Variants in CDC25B observed in about 807,000 individuals in gnomAD.
CDC25B encodes cell division cycle 25B.
A neutral mutation model predicts 69.8 loss-of-function variants in CDC25B; 33 were observed. The ratio of observed to expected loss-of-function variants is 0.47; its 90% CI spans 0.36 to 0.63. The LOEUF is 0.63. CDC25B is among the 30% of genes least tolerant of loss of function. The pLI is 0.00. For missense variants in CDC25B, 727 were observed against 809.1 expected (o/e 0.90, Z 1.23); for synonymous variants, 341 against 314.6 (o/e 1.08, Z -0.89).
At chr20:3,798,339 AT>A in intron 2 of CDC25B, 72 bp from the exon 3 acceptor site, 2 of 452,606 alleles carry the variant, frequency 4.4e-6, no homozygotes, top group Non-Finnish European at 3.5e-6. Context: ...TTTTTTTTTC[AT>A]ATTGGGACAT....
In CDC25B at chr20:3,805,605, G is replaced by C; in HGVS notation, c.*644G>C. ...TCAGGACACTTCCGTAGACTGTTTA[G>C]GTTCCCCTGTCAAATATCAGTTACC... is the stretch of plus-strand genomic sequence containing the variant. On this transcript the variant is annotated 3_prime_UTR_variant, in exon 16 of 16. Transcript: ENST00000245960. 2.5e-6 allele frequency: 1 copy of C among 397,558 alleles called. No homozygotes were observed. The highest frequency in any genetic ancestry group is 4.4e-6 in the Non-Finnish European group (1 of 225,718). 24.6% of individuals were successfully genotyped at this position (397,558 alleles called of 1,614,324 possible).
At position 3,803,567 on chromosome 20, in the gene CDC25B, T is replaced by G. The variant is rs1163215271; in HGVS notation, c.1490+30T>G. 6.2e-7 allele frequency: 1 copy of G among 1,613,216 alleles called. No individual in the cohort carries two copies. Among genetic ancestry groups the G allele is most frequent in the Non-Finnish European group, 8.5e-7 (1 of 1,179,926 alleles). ...GTCCCAGCTCCGCCCAGCCAGCTAG[T>G]GTCTGCCCTGGCCTTCCCTGCCCAG... On this transcript the variant is annotated intron_variant, in intron 14 of 15. Transcript: ENST00000245960. The surrounding 1 kb of genome is among the most constrained non-coding windows in gnomAD (Gnocchi z 4.9).
At chr20:3,800,257 A>G in intron 3 of CDC25B, 31 bp from the exon 4 acceptor site, 1 of 1,567,040 alleles carries the variant, frequency 6.4e-7, no homozygotes, top group South Asian at 1.1e-5. Context: ...CGGAGGGAGC[A>G]TGGGTTGCAT....
rs773586116 is a variant in CDC25B, at chr20:3,801,817, T to C, written c.921+15T>C. On this transcript the variant is annotated intron_variant, in intron 9 of 15. Coordinates refer to ENST00000245960, the MANE Select transcript of CDC25B (RefSeq NM_021873.4). ...AAGAGGAAAAGGTGGGCCTCTGGGG[T>C]GGCCCCCTCCGAATTTGGAGGCATG... 7.5e-6 allele frequency: 12 copies of C among 1,591,364 alleles called. No individual in the cohort carries two copies. Among genetic ancestry groups the C allele is most frequent in the Non-Finnish European group, 9.4e-6 (11 of 1,168,224 alleles).
chr20:3,794,662 T>C (rs1274680560), upstream of CDC25B, among the ~76,000 whole-genome samples: 1 of 151,984 alleles, frequency 6.6e-6, no homozygotes, highest in African/African-American at 2.4e-5. Flanking sequence ...GAACCGGAAA[T>C]TCAGTCTTGC....
rs537283235 is a variant in CDC25B at position 3,791,198 on chromosome 20, G to A, written c.8+4059G>A. Among the ~76,000 whole-genome samples, 201 of 152,288 alleles carry A rather than the reference G, an allele frequency of 1.3e-3. 1 individual carries two copies. Among genetic ancestry groups the A allele is most frequent in the African/African-American group, 4.5e-3 (189 of 41,570 alleles). On this transcript the variant is annotated intron_variant, in intron 1 of 15. Coordinates refer to the CDC25B transcript ENST00000344256. ...TAACTCAACGAACATACATCTGTGT[G>A]TACTTTTATCATCTCCTTAAGAGAA...
At chr20:3,790,559 C>T (rs1164725845) in intron 1 of CDC25B, among the ~76,000 whole-genome samples, 27 of 150,400 alleles carry the variant, frequency 1.8e-4, no homozygotes, top group Admixed American at 1.7e-3. Flanking sequence ...CGGTGGCTCA[C>T]GCCTGTAATC....
Position 3,796,693 on chromosome 20 carries a change from C to T in CDC25B, c.162C>T (p.Thr54=). 6.4e-7 allele frequency: 1 copy of T among 1,552,444 alleles called. No individual in the cohort carries two copies. The highest frequency in any genetic ancestry group is 8.6e-7 in the Non-Finnish European group (1 of 1,159,106). ...CGGCCGCTTCCTCGCCGGTCACCAC[C>T]CTCACCCAGACCATGCACGACCTCG... ...VRAAASSPVT[T]LTQTMHDLAG... is the part of the protein sequence containing the mutation. The change falls in exon 1 of 16, where the codon ACC becomes ACT. Residue 54 remains threonine, a synonymous_variant. Transcript: ENST00000245960.
Position 3,796,423 on chromosome 20 carries a change from C to CA in CDC25B, c.-109_-108insA. 5.8e-6 allele frequency: 1 copy of CA among 173,282 alleles called. No homozygotes were observed. Among genetic ancestry groups the CA allele is most frequent in the Non-Finnish European group, 1.1e-5 (1 of 94,562 alleles). 10.7% of individuals were successfully genotyped at this position (173,282 alleles called of 1,614,324 possible). Reference sequence around the variant, plus strand: ...GCTCTTCCTCCCTCCCTCCTTCCCCCCCCCCCCACCCCTCGCCCGCTGCCT... The same window carrying CA: ...GCTCTTCCTCCCTCCCTCCTTCCCCCACCCCCCCACCCCTCGCCCGCTGCCT... On this transcript the variant is annotated 5_prime_UTR_variant, in exon 1 of 16. Coordinates refer to ENST00000245960, the MANE Select transcript of CDC25B (RefSeq NM_021873.4).
At chr20:3,800,948 C>A in intron 6 of CDC25B, 23 bp from the exon 7 acceptor site, 1 of 1,613,552 alleles carries the variant, frequency 6.2e-7, no homozygotes, top group South Asian at 1.1e-5. Flanking sequence ...TGTGAGGACC[C>A]TCCTCTCCCA....
rs531171181 is a variant in CDC25B at position 3,796,427 on chromosome 20, C to A, written c.-105C>A. On this transcript the variant is annotated 5_prime_UTR_variant, in exon 1 of 16. Transcript: ENST00000245960. ...TTCCTCCCTCCCTCCTTCCCCCCCC[C>A]CCCACCCCTCGCCCGCTGCCTCCCT... 39 of 253,902 alleles carry A rather than the reference C, an allele frequency of 1.5e-4. 1 individual carries two copies. The highest frequency in any genetic ancestry group is 2.7e-4 in the East Asian group (1 of 3,728). 15.7% of individuals were successfully genotyped at this position (253,902 alleles called of 1,614,324 possible).
chr20:3,800,315 C>T lies in CDC25B; in HGVS notation c.408C>T (p.Ser136=). The T allele has an allele frequency of 6.2e-7, 1 of 1,614,084 alleles. No individual in the cohort carries two copies. The highest frequency in any genetic ancestry group is 1.7e-5 in the Admixed American group (1 of 60,006). ...QTFEQAIQAA[S]RIIRNEQFAI... ...TTGAACAGGCCATCCAGGCAGCCAG[C>T]CGGATCATTCGAAAGTAAGTGTTCC... Residue 136 remains serine (S), a synonymous_variant, in exon 4 of 16, where the codon AGC becomes AGT. Coordinates refer to ENST00000245960, the MANE Select transcript of CDC25B (RefSeq NM_021873.4).
chr20:3,803,415 C>T lies in CDC25B; in HGVS notation c.1368C>T (p.Asn456=), dbSNP rs2089359292. 22 of 1,613,996 alleles carry T rather than the reference C, an allele frequency of 1.4e-5. No individual in the cohort carries two copies. Among genetic ancestry groups the T allele is most frequent in the Non-Finnish European group, 1.9e-5 (22 of 1,180,012 alleles). The change falls in exon 14 of 16, where the codon AAC becomes AAT. Residue 456 remains asparagine (N), a synonymous_variant. Transcript: ENST00000245960. The surrounding 1 kb of genome is among the most constrained non-coding windows in gnomAD (Gnocchi z 4.9). ...YEGGHIKTAV[N]LPLERDAESF... ...GGCTCCTCTGACAGACTGCGGTGAA[C>T]TTGCCCCTGGAACGCGACGCCGAGA...
chr20:3,791,946 C>G (rs144736119), upstream of CDC25B, among the ~76,000 whole-genome samples: 2 of 152,306 alleles, frequency 1.3e-5, no homozygotes, highest in East Asian at 3.9e-4. Context: ...CAGAATCTCA[C>G]TTTGTCACCC....
chr20:3,792,177 G>A (rs1207897983), upstream of CDC25B, among the ~76,000 whole-genome samples: 2 of 152,180 alleles, frequency 1.3e-5, no homozygotes, highest in African/African-American at 4.8e-5. Context: ...GCCTCCCAAA[G>A]TACTGGGATT....
upstream of CDC25B, among the ~76,000 whole-genome samples, chr20:3,791,751 T>C (rs1268038093): frequency 6.6e-6 from 1 of 152,172 alleles, no homozygotes; most frequent in African/African-American, 2.4e-5. Flanking sequence ...ATCTTGTAGA[T>C]AGCACACAGA....
At chr20:3,794,358 A>G (rs1349442941), upstream of CDC25B, among the ~76,000 whole-genome samples, 4 of 147,542 alleles carry the variant, frequency 2.7e-5, no homozygotes, top group Admixed American at 6.9e-5. Flanking sequence ...AGTGATGATG[A>G]GCATTTTTTC....
At position 3,803,689 on chromosome 20, in the gene CDC25B, C is replaced by T. The variant is rs2089372414; in HGVS notation, c.1490+152C>T. On this transcript the variant is annotated intron_variant, in intron 14 of 15. Transcript: ENST00000245960. This position sits in a 1 kb window ranked among gnomAD's most constrained non-coding sequence, Gnocchi z 4.9. Reference sequence around the variant, plus strand: ...CCTAGAGCTGACCTCAGCCCCACTTCACTGTGCATGGTACCCGCCTCCCAT... The same window carrying T: ...CCTAGAGCTGACCTCAGCCCCACTTTACTGTGCATGGTACCCGCCTCCCAT... 1.1e-6 allele frequency: 1 copy of T among 920,426 alleles called. No individual in the cohort carries two copies. The highest frequency in any genetic ancestry group is 1.6e-6 in the Non-Finnish European group (1 of 608,048). 57.0% of individuals were successfully genotyped at this position (920,426 alleles called of 1,614,324 possible). A position where few individuals can be genotyped will look rare whatever the true frequency, so the allele number is the denominator to read the frequency against.
Position 3,803,521 on chromosome 20 carries a change from G to A in CDC25B, c.1474G>A (p.Glu492Lys). Residue 492 changes from glutamate (E) to lysine (K), a missense_variant, in exon 14 of 16, where the codon GAG (glutamate) becomes AAG (lysine). By Grantham distance (56) the Glu-to-Lys change is moderately conservative. Transcript: ENST00000245960. The surrounding 1 kb of genome is among the most constrained non-coding windows in gnomAD (Gnocchi z 4.9). ...CATTTTCCACTGTGAATTCTCATCT[G>A]AGCGTGGGCCCCGCATGTGAGTCCC... Reference protein sequence around the residue: ...ILIFHCEFSSERGPRMCRFIR... With the variant: ...ILIFHCEFSSKRGPRMCRFIR... 2 of 1,614,032 alleles carry A rather than the reference G, an allele frequency of 1.2e-6. No individual in the cohort carries two copies. Among genetic ancestry groups the A allele is most frequent in the Non-Finnish European group, 1.7e-6 (2 of 1,180,006 alleles).
Sources: allele counts gnomAD v4.1 joint callset (sites outside exome capture counted in the v4.1 genomes callset), GRCh38; gene constraint gnomAD v4.1.1; non-coding constraint Gnocchi (gnomAD v3.1); transcripts MANE v1.5; gene names NCBI Gene and HGNC (gene_info 2026-07-23, HGNC 2026-07-21).